TESMIN: variants seen among roughly 807,000 people sequenced by gnomAD.
TESMIN encodes CXC domain containing 2.
Under a neutral mutation model 47.4 loss-of-function variants are expected in TESMIN, and 34 were observed. That is an observed-to-expected ratio of 0.72 (90% confidence interval 0.55 to 0.96). TESMIN has a LOEUF of 0.96. Among genes scored for constraint, TESMIN ranks in the 40% least tolerant of loss-of-function variants. The pLI, the probability that TESMIN is intolerant of heterozygous loss-of-function variation, is 0.00. For synonymous variants in TESMIN, 278 were observed against 258.9 expected, an observed-to-expected ratio of 1.07 and a Z score of -0.71; for missense variants, 610 against 637.2, an observed-to-expected ratio of 0.96 and a Z score of 0.46.
intron 8 of TESMIN, among the ~76,000 whole-genome samples, chr11:68,711,372 T>C (rs1946068681): frequency 6.6e-6 from 1 of 151,414 alleles, no homozygotes; most frequent in Admixed American, 6.6e-5. Flanking sequence ...GGTTTGGGTA[T>C]GTGTGTGTAT....
At chr11:68,734,926 G>A (rs1040258831) in intron 6 of TESMIN, among the ~76,000 whole-genome samples, 3 of 152,110 alleles carry the variant, frequency 2.0e-5, no homozygotes, top group Non-Finnish European at 4.4e-5. Context: ...TCACTGCTCT[G>A]GTCTTCCGCC....
chr11:68,712,786 A>ACC (rs1234805954), intron 8 of TESMIN, among the ~76,000 whole-genome samples: 1 of 152,164 alleles, frequency 6.6e-6, no homozygotes, highest in East Asian at 1.9e-4. Context: ...GGGAGGAGCT[A>ACC]CCCTTGGTCA....
chr11:68,743,450 T>C (rs1438045372), intron 4 of TESMIN, among the ~76,000 whole-genome samples: 2 of 151,934 alleles, frequency 1.3e-5, no homozygotes, highest in African/African-American at 4.8e-5. Context: ...GGTTTCGCCA[T>C]GGTACCCAGG....
In TESMIN at chr11:68,750,307, G is replaced by T; in HGVS notation, c.354C>A (p.Pro118=). 2 of 1,524,890 alleles carry T rather than the reference G, an allele frequency of 1.3e-6. No individual in the cohort carries two copies. Among genetic ancestry groups the T allele is most frequent in the Non-Finnish European group, 1.8e-6 (2 of 1,142,034 alleles). 94.5% of individuals were successfully genotyped at this position (1,524,890 alleles called of 1,614,324 possible). ...DVALLQAPQP[P]ACNVHFLSSL... is the part of the protein sequence containing the mutation. ...AGGACAGGAAGTGCACGTTGCAGGC[G>T]GGCGGCTGCGGGGCCTGCAGGAGCG... is the stretch of plus-strand genomic sequence containing the variant. Residue 118 remains proline (P), a synonymous_variant, in exon 2 of 10, where the codon CCC becomes CCA. Coordinates refer to ENST00000255087, the MANE Select transcript of TESMIN (RefSeq NM_004923.3).
intron 6 of TESMIN, among the ~76,000 whole-genome samples, chr11:68,734,499 C>T (rs1411045976): frequency 1.3e-5 from 2 of 152,194 alleles, no homozygotes; most frequent in South Asian, 2.1e-4. Flanking sequence ...TACAAAACAC[C>T]ATGTGACAAA....
intron 4 of TESMIN, 54 bp from the exon 5 acceptor site, chr11:68,742,448 T>C: frequency 8.6e-7 from 1 of 1,156,464 alleles, no homozygotes; most frequent in Non-Finnish European, 1.3e-6. Context: ...CCTCTTCCAC[T>C]TACACGTGGA....
At chr11:68,739,659 C>T (rs929527450) in intron 5 of TESMIN, among the ~76,000 whole-genome samples, 3 of 152,208 alleles carry the variant, frequency 2.0e-5, no homozygotes, top group Non-Finnish European at 2.9e-5. Flanking sequence ...TCCATTACGG[C>T]TGGAAGACAC....
In TESMIN at chr11:68,708,169, T is replaced by C; in HGVS notation, c.*139A>G. On this transcript the variant is annotated 3_prime_UTR_variant, in exon 10 of 10. Transcript: ENST00000255087. Reference sequence around the variant, plus strand: ...GGGTTGCCACATCTTCAGAGAGCTCTGAGTAAACTCCCTGGGCCCAGGGAT... The same window carrying C: ...GGGTTGCCACATCTTCAGAGAGCTCCGAGTAAACTCCCTGGGCCCAGGGAT... 1.2e-6 allele frequency: 1 copy of C among 805,758 alleles called. No individual in the cohort carries two copies. The highest frequency in any genetic ancestry group is 2.0e-6 in the Non-Finnish European group (1 of 510,316). 49.9% of individuals were successfully genotyped at this position (805,758 alleles called of 1,614,324 possible).
chr11:68,750,072 G>A (rs570516585), intron 2 of TESMIN, 118 bp downstream of exon 2: 19 of 813,998 alleles, frequency 2.3e-5, no homozygotes, highest in African/African-American at 7.3e-5. Context: ...GGTGGGCTGT[G>A]TGTGGTGTCA....
intron 4 of TESMIN, among the ~76,000 whole-genome samples, chr11:68,744,683 A>C (rs1200279567): frequency 6.6e-6 from 1 of 152,182 alleles, no homozygotes; most frequent in Non-Finnish European, 1.5e-5. Context: ...ACATCGAGGC[A>C]CCTATTTGTG....
At chr11:68,749,002 ATTT>A (rs1946556360) in intron 2 of TESMIN, among the ~76,000 whole-genome samples, 1 of 152,044 alleles carries the variant, frequency 6.6e-6, no homozygotes, top group South Asian at 2.1e-4. Context: ...CACCCGGTTA[ATTT>A]TTGTATTATC....
intron 6 of TESMIN, among the ~76,000 whole-genome samples, chr11:68,719,553 G>A (rs2153991075): frequency 6.6e-6 from 1 of 152,254 alleles, no homozygotes; most frequent in East Asian, 1.9e-4. Context: ...ATTCAGACCT[G>A]TTATTTAGAC....
At chr11:68,734,934 G>A (rs923137946) in intron 6 of TESMIN, among the ~76,000 whole-genome samples, 4 of 152,070 alleles carry the variant, frequency 2.6e-5, no homozygotes, top group Admixed American at 2.6e-4. Context: ...CTGGTCTTCC[G>A]CCCCTGCTCT....
intron 6 of TESMIN, chr11:68,736,719 G>C (rs762066762): frequency 4.2e-5 from 41 of 980,132 alleles, no homozygotes; most frequent in Non-Finnish European, 4.7e-5. Context: ...ACATGTGACT[G>C]ATTGAAAATA....
chr11:68,737,850 T>G, intron 6 of TESMIN: 1 of 856,846 alleles, frequency 1.2e-6, no homozygotes, highest in Non-Finnish European at 1.4e-6. Context: ...GAGGCGGAGG[T>G]TGCAGTGAGC....
chr11:68,706,422 C>T (rs1371773042), downstream of TESMIN, among the ~76,000 whole-genome samples: 1 of 152,246 alleles, frequency 6.6e-6, no homozygotes, highest in Admixed American at 6.5e-5. Context: ...GGGCCTGTAT[C>T]CCCAGCCCCA....
At position 68,708,465 on chromosome 11, in the gene TESMIN, T is replaced by C; in HGVS notation, c.1370A>G (p.Glu457Gly). 1 of 1,612,980 alleles carries C rather than the reference T, an allele frequency of 6.2e-7. No individual in the cohort carries two copies. Reference sequence around the variant, plus strand: ...AGCAAGCAGGCAGGCGCATGTGGCCTCCACCACCTCCCAGGAGATGCATGA... The same window carrying C: ...AGCAAGCAGGCAGGCGCATGTGGCCCCCACCACCTCCCAGGAGATGCATGA... ...PSSCISWEVV[E>G]ATCACLLAQG... The change falls in exon 10 of 10, where the codon GAG becomes GGG. Residue 457 changes from glutamate to glycine, a missense_variant. Coordinates refer to ENST00000255087, the MANE Select transcript of TESMIN (RefSeq NM_004923.3).
At chr11:68,741,399 G>A (rs1946454146) in intron 5 of TESMIN, among the ~76,000 whole-genome samples, 2 of 152,042 alleles carry the variant, frequency 1.3e-5, no homozygotes, top group Admixed American at 6.6e-5. Context: ...CCTTCACAAC[G>A]GAGCCATGAT....
At chr11:68,747,169 T>C (rs1594304127) in intron 3 of TESMIN, 39 bp downstream of exon 3, 3 of 1,591,140 alleles carry the variant, frequency 1.9e-6, no homozygotes, top group East Asian at 2.2e-5. Flanking sequence ...CAGCATTTAG[T>C]ATAATGTTAG....
Sources: gnomAD v4.1 joint callset for allele counts (sites outside exome capture counted in the v4.1 genomes callset) on GRCh38, gnomAD v4.1.1 for gene constraint, MANE v1.5 for transcripts, NCBI Gene and HGNC (gene_info 2026-07-23, HGNC 2026-07-21) for gene names.